ITGBL1: variants seen among roughly 807,000 people sequenced by gnomAD.
ITGBL1 encodes integrin subunit beta like 1, also known as integrin beta-like protein 1.
ITGBL1 carries 51 observed loss-of-function variants against 68.5 expected under a neutral mutation model. The observed-to-expected ratio is 0.74, with a 90% confidence interval of 0.59 to 0.94. ITGBL1 has a LOEUF of 0.94. Ranked by LOEUF, ITGBL1 falls within the 40% of genes least tolerant of loss-of-function variation. ITGBL1 has a pLI of 0.00. For missense variants in ITGBL1, 649 were observed against 647.4 expected (o/e 1.00, Z -0.03); for synonymous variants, 209 against 227.3 (o/e 0.92, Z 0.72).
chr13:101,587,584 T>C (rs1329449157), intron 6 of ITGBL1, among the ~76,000 whole-genome samples: 1 of 152,196 alleles, frequency 6.6e-6, no homozygotes, highest in Non-Finnish European at 1.5e-5. Context: ...CCAAATCCCA[T>C]AATTGGAAAA....
At chr13:101,547,845 C>T (rs1009803556) in intron 2 of ITGBL1, among the ~76,000 whole-genome samples, 1 of 151,106 alleles carries the variant, frequency 6.6e-6, no homozygotes, top group Admixed American at 6.6e-5. Flanking sequence ...ATTATGCACC[C>T]ACAACAATGA....
chr13:101,598,976 G>A (rs1012381519), intron 7 of ITGBL1, among the ~76,000 whole-genome samples: 1 of 152,110 alleles, frequency 6.6e-6, no homozygotes, highest in African/African-American at 2.4e-5. Context: ...GAGTCAAATG[G>A]TATTTCTAGT....
chr13:101,644,965 A>G (rs2032511189), intron 7 of ITGBL1, among the ~76,000 whole-genome samples: 1 of 152,228 alleles, frequency 6.6e-6, no homozygotes, highest in Non-Finnish European at 1.5e-5. Flanking sequence ...ATAAGCAGCA[A>G]TGGAAAATAG....
At chr13:101,611,981 G>A (rs1397611673) in intron 7 of ITGBL1, among the ~76,000 whole-genome samples, 1 of 152,092 alleles carries the variant, frequency 6.6e-6, no homozygotes, top group Non-Finnish European at 1.5e-5. Flanking sequence ...TCTACCAAGA[G>A]TCTGCTTGGG....
chr13:101,682,234 A>G (rs936851896), intron 7 of ITGBL1, among the ~76,000 whole-genome samples: 9 of 152,196 alleles, frequency 5.9e-5, no homozygotes, highest in Non-Finnish European at 8.8e-5. Flanking sequence ...ATTTGTAATA[A>G]TGCAAATGAG....
At chr13:101,597,804 G>A (rs945223167) in intron 6 of ITGBL1, among the ~76,000 whole-genome samples, 4 of 151,756 alleles carry the variant, frequency 2.6e-5, no homozygotes, top group African/African-American at 4.8e-5. Flanking sequence ...TTCCCTCCTC[G>A]CCCTCCCAAA....
chr13:101,623,834 T>C (rs949989538), intron 7 of ITGBL1, among the ~76,000 whole-genome samples: 3 of 152,238 alleles, frequency 2.0e-5, no homozygotes, highest in South Asian at 2.1e-4. Context: ...TTTAAAGGAA[T>C]GAAAGTTTTT....
chr13:101,683,362 T>C (rs893465225), intron 7 of ITGBL1, among the ~76,000 whole-genome samples: 2 of 152,080 alleles, frequency 1.3e-5, no homozygotes, highest in African/African-American at 4.8e-5. Context: ...GTTCTCGCAC[T>C]CTACATTATG....
At chr13:101,558,463 A>T (rs545964297) in intron 2 of ITGBL1, among the ~76,000 whole-genome samples, 3 of 152,282 alleles carry the variant, frequency 2.0e-5, no homozygotes, top group Non-Finnish European at 2.9e-5. Flanking sequence ...CTGAATCTAA[A>T]TTTTTTAAAA....
At chr13:101,629,494 T>C (rs12875695) in intron 7 of ITGBL1, among the ~76,000 whole-genome samples, 5,380 of 152,158 alleles carry the variant, frequency 0.035, 148 homozygotes, top group East Asian at 0.049. Flanking sequence ...TTAAAAACAT[T>C]GTCAGTATTC....
At chr13:101,671,447 G>GTTTTTTTTTTTTTTTTTT (rs1313845131) in intron 7 of ITGBL1, among the ~76,000 whole-genome samples, 1 of 103,624 alleles carries the variant, frequency 9.7e-6, no homozygotes, top group African/African-American at 4.2e-5. Context: ...GTTTTTTTTT[G>GTTTTTTTTTTTTTTTTTT]TTTTTTTTTG....
chr13:101,595,884 A>C (rs1315902126), intron 6 of ITGBL1, among the ~76,000 whole-genome samples: 1 of 152,116 alleles, frequency 6.6e-6, no homozygotes, highest in Non-Finnish European at 1.5e-5. Flanking sequence ...AGCTGTCTGC[A>C]CTCCCATGGT....
At chr13:101,632,932 TC>T (rs1287746078) in intron 7 of ITGBL1, among the ~76,000 whole-genome samples, 1 of 152,194 alleles carries the variant, frequency 6.6e-6, no homozygotes, top group African/African-American at 2.4e-5. Flanking sequence ...GCAGAGGTTC[TC>T]AAACCTTAAT....
At chr13:101,546,758 T>A (rs1219822074) in intron 2 of ITGBL1, among the ~76,000 whole-genome samples, 1 of 152,058 alleles carries the variant, frequency 6.6e-6, no homozygotes, top group African/African-American at 2.4e-5. Context: ...TAAATTTAGA[T>A]GAATCTCAAT....
chr13:101,486,069 G>A (rs1164264162), intron 2 of ITGBL1, among the ~76,000 whole-genome samples: 1 of 151,998 alleles, frequency 6.6e-6, no homozygotes, highest in East Asian at 1.9e-4. Context: ...CAGCACCATT[G>A]CAAAGATGTG....
intron 2 of ITGBL1, among the ~76,000 whole-genome samples, chr13:101,532,711 A>G (rs1265836013): frequency 1.3e-5 from 2 of 152,172 alleles, no homozygotes; most frequent in African/African-American, 4.8e-5. Context: ...TTTGCATAAC[A>G]ACGTTTTGAT....
At chr13:101,700,603 C>T (rs543623342) in intron 8 of ITGBL1, among the ~76,000 whole-genome samples, 1 of 149,536 alleles carries the variant, frequency 6.7e-6, no homozygotes, top group South Asian at 2.1e-4. Flanking sequence ...TTTCTCAATC[C>T]TCTTAAAATA....
chr13:101,497,381 A>G (rs2048871907), intron 2 of ITGBL1, among the ~76,000 whole-genome samples: 1 of 152,188 alleles, frequency 6.6e-6, no homozygotes, highest in South Asian at 2.1e-4. Context: ...TGATATGAGT[A>G]GCAGGCGATG....
chr13:101,584,341 G>T (rs1414971962), intron 6 of ITGBL1, among the ~76,000 whole-genome samples: 2 of 152,100 alleles, frequency 1.3e-5, no homozygotes, highest in African/African-American at 4.8e-5. Flanking sequence ...TATCTGAAAA[G>T]GTATCATTTA....
Sources: allele counts gnomAD v4.1 joint callset (sites outside exome capture counted in the v4.1 genomes callset), GRCh38; gene constraint gnomAD v4.1.1; transcripts MANE v1.5; gene names NCBI Gene and HGNC (gene_info 2026-07-23, HGNC 2026-07-21).